Variants in RPAP2 observed in about 807,000 individuals in gnomAD.
RPAP2 encodes the protein RNA polymerase II associated protein 2, also known as putative RNA polymerase II subunit B1 CTD phosphatase RPAP2.
RPAP2 carries 52 observed loss-of-function variants against 73.1 expected under a neutral mutation model. The observed-to-expected ratio is 0.71, with a 90% CI of 0.57 to 0.90. The LOEUF (loss-of-function observed/expected upper bound fraction) is 0.90, where lower values mean the gene tolerates loss of function less well. Ranked by LOEUF, RPAP2 falls within the 40% of genes least tolerant of loss-of-function variation. The pLI is 0.00. For missense variants in RPAP2, 598 were observed against 701.8 expected (o/e 0.85, Z 1.67); for synonymous variants, 225 against 242.1 (o/e 0.93, Z 0.65).
chr1:92,364,075 AG>A (rs1654836017), intron 11 of RPAP2, among the ~76,000 whole-genome samples: 1 of 152,090 alleles, frequency 6.6e-6, no homozygotes, highest in Non-Finnish European at 1.5e-5. Context: ...ATAATGGAGT[AG>A]TCATTGAGAG....
rs1171803698 is a variant in RPAP2 at position 92,388,789 on chromosome 1, G to A, written c.*1778G>A. 1.3e-5 allele frequency: 2 copies of A among 152,336 alleles called. No homozygotes were observed. The highest frequency in any genetic ancestry group is 2.9e-5 in the Non-Finnish European group (2 of 68,148). The allele number at this position is 152,336 out of a possible 1,614,324, so 9.4% of individuals were successfully genotyped here. On this transcript the variant is annotated 3_prime_UTR_variant, in exon 13 of 13. Coordinates refer to ENST00000610020, the MANE Select transcript of RPAP2 (RefSeq NM_024813.3). ...CTGCTAGCGCCAGCAGTCTGAAATC[G>A]ACCTGGGACGTGGGAGCTTGGCGGG...
chr1:92,363,261 C>T (rs907627333), intron 11 of RPAP2, among the ~76,000 whole-genome samples: 4 of 151,910 alleles, frequency 2.6e-5, no homozygotes, highest in African/African-American at 9.7e-5. Context: ...CTTAAGCATA[C>T]GGTATGGAGA....
Position 92,399,845 on chromosome 1 carries a change from C to T in RPAP2, c.*12834C>T, listed in dbSNP as rs1183103947. ...ACTATGGCCACAATGGGAGAAAAGACAGTCCACCTTCAAAGTCAACCAGAA... is the reference window on the plus strand; with the variant it reads ...ACTATGGCCACAATGGGAGAAAAGATAGTCCACCTTCAAAGTCAACCAGAA... On this transcript the variant is annotated 3_prime_UTR_variant, in exon 13 of 13. Transcript: ENST00000610020. The T allele has an allele frequency of 6.6e-6, 1 of 152,142 alleles. No homozygotes were observed. The highest frequency in any genetic ancestry group is 1.5e-5 in the Non-Finnish European group (1 of 68,030). 9.4% of individuals were successfully genotyped at this position (152,142 alleles called of 1,614,324 possible). A position where few individuals can be genotyped will look rare whatever the true frequency, so the allele number is the denominator to read the frequency against.
In RPAP2 at chr1:92,323,951, C is replaced by A. The variant is rs1557601424; in HGVS notation, c.1031C>A (p.Ser344Ter). 1 of 1,614,122 alleles carries A rather than the reference C, an allele frequency of 6.2e-7. No individual in the cohort carries two copies. The highest frequency in any genetic ancestry group is 8.5e-7 in the Non-Finnish European group (1 of 1,180,004). The change falls in exon 8 of 13, where the codon TCA becomes TAA. Residue 344 changes from serine (S) to a stop codon, truncating the protein, a stop_gained. Coordinates refer to ENST00000610020, the MANE Select transcript of RPAP2 (RefSeq NM_024813.3). LOFTEE classifies it high-confidence loss of function. ...CATTTTAAGAGAAAATTTGCCAAAT[C>A]AAACCAAGTGTCTAGGTCAGTGTCT... ...AEHFKRKFAK[S>*]NQVSRSVSSS... is the part of the protein sequence containing the mutation.
chr1:92,367,393 T>C (rs1654973879), intron 11 of RPAP2, among the ~76,000 whole-genome samples: 1 of 152,256 alleles, frequency 6.6e-6, no homozygotes, highest in Non-Finnish European at 1.5e-5. Context: ...GGTATTATAA[T>C]ACCCATTTGT....
At chr1:92,377,771 T>G (rs1161479546) in intron 11 of RPAP2, among the ~76,000 whole-genome samples, 3 of 152,180 alleles carry the variant, frequency 2.0e-5, no homozygotes, top group Non-Finnish European at 4.4e-5. Context: ...CCTTTTGTGT[T>G]TGTTTGTTTC....
intron 11 of RPAP2, among the ~76,000 whole-genome samples, chr1:92,364,570 T>C (rs1162064790): frequency 6.6e-6 from 1 of 152,188 alleles, no homozygotes; most frequent in Non-Finnish European, 1.5e-5. Flanking sequence ...AATTTGAGAT[T>C]AAGTCATTTT....
At position 92,401,809 on chromosome 1, in the gene RPAP2, T is replaced by C. The variant is rs1291464870; in HGVS notation, c.*14798T>C. On this transcript the variant is annotated 3_prime_UTR_variant, in exon 13 of 13. Transcript: ENST00000610020. The stretch of plus-strand genomic sequence containing the variant: ...ATGGAGATGATCCAAGTTTTTTTCC[T>C]CCTTATTTCTGCTAAGGTTGTATAA... 1 of 152,236 alleles carries C rather than the reference T, an allele frequency of 6.6e-6. No homozygotes were observed. Among genetic ancestry groups the C allele is most frequent in the Non-Finnish European group, 1.5e-5 (1 of 68,042 alleles). 9.4% of individuals were successfully genotyped at this position (152,236 alleles called of 1,614,324 possible). A position where few individuals can be genotyped will look rare whatever the true frequency, so the allele number is the denominator to read the frequency against.
chr1:92,329,609 T>C (rs1288946678), intron 8 of RPAP2, among the ~76,000 whole-genome samples: 5 of 152,192 alleles, frequency 3.3e-5, no homozygotes, highest in Non-Finnish European at 7.3e-5. Flanking sequence ...AAGTTCATGA[T>C]GGGAGTCTCC....
At chr1:92,312,488 A>G (rs570796565) in intron 6 of RPAP2, among the ~76,000 whole-genome samples, 3 of 152,244 alleles carry the variant, frequency 2.0e-5, no homozygotes, top group African/African-American at 7.2e-5. Flanking sequence ...TTTATGGAAT[A>G]TTCTAAATCT....
chr1:92,370,835 T>G (rs753788910), intron 11 of RPAP2, among the ~76,000 whole-genome samples: 7 of 151,704 alleles, frequency 4.6e-5, no homozygotes, highest in Non-Finnish European at 8.8e-5. Context: ...CTCATTTACC[T>G]AAAAAAAATA....
rs1247420641 is a variant in RPAP2, at chr1:92,399,462, A to C, written c.*12451A>C. 1.3e-5 allele frequency: 2 copies of C among 152,156 alleles called. No individual in the cohort carries two copies. Among genetic ancestry groups the C allele is most frequent in the African/African-American group, 4.8e-5 (2 of 41,436 alleles). 9.4% of individuals were successfully genotyped at this position (152,156 alleles called of 1,614,324 possible). A position where few individuals can be genotyped will look rare whatever the true frequency, so the allele number is the denominator to read the frequency against. ...CAATAAAATGAAGTTTTAACAGTGA[A>C]AACTTCTATCACTTAGATAAGCAGG... On this transcript the variant is annotated 3_prime_UTR_variant, in exon 13 of 13. Transcript: ENST00000610020.
At chr1:92,317,419 A>C (rs1480884717) in intron 6 of RPAP2, among the ~76,000 whole-genome samples, 6 of 152,024 alleles carry the variant, frequency 3.9e-5, no homozygotes, top group African/African-American at 1.5e-4. Flanking sequence ...GAGGCAGGAC[A>C]ATCGCTTCAA....
chr1:92,320,186 A>G (rs984857093), intron 6 of RPAP2, among the ~76,000 whole-genome samples: 1 of 152,168 alleles, frequency 6.6e-6, no homozygotes, highest in Non-Finnish European at 1.5e-5. Context: ...ATTTGAACTT[A>G]ACCCTGAAAA....
chr1:92,362,344 A>G (rs1654765755), intron 11 of RPAP2, among the ~76,000 whole-genome samples: 1 of 152,144 alleles, frequency 6.6e-6, no homozygotes, highest in East Asian at 1.9e-4. Context: ...TGGTTTTTGG[A>G]AGCAAAATTC....
intron 11 of RPAP2, among the ~76,000 whole-genome samples, chr1:92,371,412 A>G (rs1655148988): frequency 6.6e-6 from 1 of 151,656 alleles, no homozygotes; most frequent in Non-Finnish European, 1.5e-5. Context: ...AATAAGACAG[A>G]TGGATAGATA....
Position 92,324,136 on chromosome 1 carries a change from G to A in RPAP2, c.1216G>A (p.Glu406Lys). 1 of 1,614,098 alleles carries A rather than the reference G, an allele frequency of 6.2e-7. No homozygotes were observed. The highest frequency in any genetic ancestry group is 1.3e-5 in the African/African-American group (1 of 75,030). ...ACCCGAAGCCTCTCTGGTTAAAGAA[G>A]AACTTGATGAAGATGACATAATCTC... ...LKPEASLVKEELDEDDIISDP... is the reference protein window; with the variant it reads ...LKPEASLVKEKLDEDDIISDP... Residue 406 changes from glutamate to lysine, a missense_variant, in exon 8 of 13, where the codon GAA becomes AAA. Transcript: ENST00000610020.
intron 11 of RPAP2, among the ~76,000 whole-genome samples, chr1:92,372,921 C>T (rs57992264): frequency 0.1 from 15,808 of 152,126 alleles, 2,372 homozygotes; most frequent in African/African-American, 0.34. Flanking sequence ...TCTCAATCTT[C>T]CAAATGAGAG....
intron 10 of RPAP2, among the ~76,000 whole-genome samples, chr1:92,339,007 A>G (rs868345373): frequency 5.9e-5 from 9 of 152,192 alleles, no homozygotes; most frequent in African/African-American, 2.2e-4. Context: ...TGCTGTACAT[A>G]TCAGAAAAGA....
Sources: allele counts gnomAD v4.1 joint callset (sites outside exome capture counted in the v4.1 genomes callset), GRCh38; gene constraint gnomAD v4.1.1; transcripts MANE v1.5; gene names NCBI Gene and HGNC (gene_info 2026-07-23, HGNC 2026-07-21).